The following CFAP99 variants were observed in gnomAD, a reference collection of about 807,000 sequenced individuals.
CFAP99 encodes cilia and flagella associated protein 99.
In CFAP99, 84 loss-of-function variants were observed where a neutral mutation model predicts 82.7. The ratio of observed to expected loss-of-function variants is 1.02; its 90% confidence interval spans 0.85 to 1.22. The LOEUF (loss-of-function observed/expected upper bound fraction) is 1.22. Among genes scored for constraint, CFAP99 ranks in the 50% most tolerant of loss-of-function variants. CFAP99 has a pLI of 0.00. For synonymous variants in CFAP99, 456 were observed against 429.5 expected, an observed-to-expected ratio of 1.06 and a Z score of -0.76; for missense variants, 1,059 against 983.5, an observed-to-expected ratio of 1.08 and a Z score of -1.03.
Position 2,435,751 on chromosome 4 carries a change from C to T in CFAP99, c.112-1123C>T, listed in dbSNP as rs537257897. Reference sequence around the variant, plus strand: ...CCAGCCTGAGGAACATGGTGAGATCCAGTCTTTACAAAAAATTAAAAAATG... The same window carrying T: ...CCAGCCTGAGGAACATGGTGAGATCTAGTCTTTACAAAAAATTAAAAAATG... On this transcript the variant is annotated intron_variant, in intron 2 of 14. Coordinates refer to ENST00000635017, the Ensembl canonical transcript of CFAP99. 9.2e-5 allele frequency among the ~76,000 whole-genome samples: 14 copies of T among 152,232 alleles called. No individual in the cohort carries two copies. In the South Asian group the frequency reaches 2.7e-3, roughly 29 times the overall value.
At chr4:2,445,247 C>A (rs1734134770) in exon 6 of CFAP99, 4 of 1,441,848 alleles carry the variant, frequency 2.8e-6, no homozygotes, top group Non-Finnish European at 3.6e-6. Flanking sequence ...AACCTGACTG[C>A]CCCCAGGCCC....
intron 2 of CFAP99, among the ~76,000 whole-genome samples, chr4:2,434,608 G>T (rs1733872287): frequency 6.6e-6 from 1 of 152,230 alleles, no homozygotes; most frequent in South Asian, 2.1e-4. Context: ...GCTGGTCAGA[G>T]CACTGCAGGG....
chr4:2,441,317 G>C (rs1217829733), intron 4 of CFAP99, among the ~76,000 whole-genome samples: 1 of 148,796 alleles, frequency 6.7e-6, no homozygotes, highest in Admixed American at 6.8e-5. Context: ...AGGTTGCAGT[G>C]AGCTGAGATG....
exon 3 of CFAP99, chr4:2,437,017 G>T (rs1309505453): frequency 6.5e-7 from 1 of 1,536,038 alleles, no homozygotes; most frequent in South Asian, 1.2e-5. Flanking sequence ...GCCGCTTCGA[G>T]GGTAGGTGCC....
intron 14 of CFAP99, among the ~76,000 whole-genome samples, chr4:2,461,792 G>A (rs1352720608): frequency 6.6e-6 from 1 of 152,074 alleles, no homozygotes; most frequent in African/African-American, 2.4e-5. Context: ...AGCCAGCAGG[G>A]AACAACACAT....
chr4:2,442,133 C>T (rs925250605), intron 4 of CFAP99, among the ~76,000 whole-genome samples: 11 of 152,138 alleles, frequency 7.2e-5, no homozygotes, highest in Admixed American at 1.3e-4. Flanking sequence ...CCAGCTGAGA[C>T]GCTGAGTGTG....
rs11375526 is a variant in CFAP99, at chr4:2,431,368, C to CAAA, written c.111+4792_111+4794dup. 7.2e-4 allele frequency among the ~76,000 whole-genome samples: 105 copies of CAAA among 145,424 alleles called. 1 individual carries two copies. Among genetic ancestry groups the CAAA allele is most frequent in the African/African-American group, 2.6e-3 (100 of 39,202 alleles). Reference sequence around the variant, plus strand: ...TGGGCGACAGAGCAAGACTCTGTCTCAAAAAAAAAAAAGTTGAAATTCTAA... The same window carrying CAAA: ...TGGGCGACAGAGCAAGACTCTGTCTCAAAAAAAAAAAAAAAGTTGAAATTCTAA... On this transcript the variant is annotated intron_variant, in intron 2 of 14. Coordinates refer to ENST00000635017, the Ensembl canonical transcript of CFAP99.
In CFAP99 at chr4:2,462,666, C is replaced by A; in HGVS notation, c.1885C>A (p.Arg629=). 1.6e-6 allele frequency: 2 copies of A among 1,265,732 alleles called. No individual in the cohort carries two copies. The highest frequency in any genetic ancestry group is 2.7e-5 in the South Asian group (1 of 37,054). 78.4% of individuals were successfully genotyped at this position (1,265,732 alleles called of 1,614,324 possible). A position where few individuals can be genotyped will look rare whatever the true frequency, so the allele number is the denominator to read the frequency against. Residue 629 remains arginine (R), a synonymous_variant, in exon 15 of 15, where the codon CGG becomes AGG. Coordinates refer to ENST00000635017, the Ensembl canonical transcript of CFAP99. The surrounding 1 kb of genome is among the most constrained non-coding windows in gnomAD (Gnocchi z 4.1). ...GAAAGCCGGGGCCGGGTGGGGATGG[C>A]GGGCGCGGCGCGCAGGGACCGGCGT...
Position 2,451,259 on chromosome 4 carries a change from C to T in CFAP99, c.868-5C>T, listed in dbSNP as rs921453486. 4.4e-5 allele frequency: 67 copies of T among 1,535,868 alleles called. No homozygotes were observed. The highest frequency in any genetic ancestry group is 5.1e-5 in the Non-Finnish European group (59 of 1,146,832). ...CCCCACCACAGCCAGTCCCCAATCC[C>T]GCAGCCTGACAACATCCTGGTCAAG... On this transcript the variant is annotated splice_polypyrimidine_tract_variant and splice_region_variant and intron_variant, in intron 9 of 14. Transcript: ENST00000635017.
intron 1 of CFAP99, among the ~76,000 whole-genome samples, chr4:2,419,652 TC>T (rs1461053055): frequency 6.6e-6 from 1 of 152,214 alleles, no homozygotes; most frequent in Non-Finnish European, 1.5e-5. Flanking sequence ...CTGCTTGTCC[TC>T]ACTGGCCAGT....
intron 1 of CFAP99, among the ~76,000 whole-genome samples, chr4:2,424,758 C>T (rs1733651037): frequency 1.3e-5 from 2 of 152,230 alleles, no homozygotes; most frequent in Non-Finnish European, 2.9e-5. Context: ...CCCTGCTTCC[C>T]AGGGCACCCC....
chr4:2,452,613 C>T (rs1294318988), intron 11 of CFAP99, among the ~76,000 whole-genome samples: 1 of 152,162 alleles, frequency 6.6e-6, no homozygotes, highest in African/African-American at 2.4e-5. Context: ...CCCAGGAGGC[C>T]GGCCTGTATA....
At chr4:2,456,945 G>C (rs1734450168) in intron 11 of CFAP99, among the ~76,000 whole-genome samples, 1 of 141,650 alleles carries the variant, frequency 7.1e-6, no homozygotes, top group African/African-American at 2.6e-5. Flanking sequence ...ATCATTCTTT[G>C]AATACTTTTT....
chr4:2,457,206 G>T (rs576368820), intron 11 of CFAP99, among the ~76,000 whole-genome samples: 34 of 152,012 alleles, frequency 2.2e-4, no homozygotes, highest in African/African-American at 8.2e-4. Context: ...GCTTCCCCAC[G>T]CGCTGGGATT....
chr4:2,436,774 G>T, intron 2 of CFAP99, 100 bp from the exon 3 acceptor site: 2 of 973,162 alleles, frequency 2.1e-6, no homozygotes, highest in South Asian at 3.0e-5. Context: ...TTGCAGCCCC[G>T]GGGCCGCTCC....
At chr4:2,444,661 C>T (rs1451671707) in intron 5 of CFAP99, among the ~76,000 whole-genome samples, 3 of 152,206 alleles carry the variant, frequency 2.0e-5, no homozygotes, top group South Asian at 2.1e-4. Context: ...GACAACTGGG[C>T]TCCTGCCCCA....
intron 11 of CFAP99, 125 bp from the exon 12 acceptor site, chr4:2,458,598 G>A: frequency 2.4e-6 from 3 of 1,259,948 alleles, no homozygotes; most frequent in African/African-American, 1.5e-5. Flanking sequence ...CCTGGGTTCT[G>A]GGGTGATTCA....
At chr4:2,451,512 G>T (rs1280493689) in intron 10 of CFAP99, among the ~76,000 whole-genome samples, 160 bp downstream of exon 10, 1 of 152,176 alleles carries the variant, frequency 6.6e-6, no homozygotes, top group Non-Finnish European at 1.5e-5. Context: ...GCAGGACTGT[G>T]TCAGGGTCCC....
chr4:2,462,994 G>A, downstream of CFAP99: 2 of 908,430 alleles, frequency 2.2e-6, no homozygotes, highest in Non-Finnish European at 2.9e-6. This position sits in a 1 kb window ranked among gnomAD's most constrained non-coding sequence, Gnocchi z 4.1. Flanking sequence ...TAAAGAGTGC[G>A]GCCCGCGGTG....
Sources: gnomAD v4.1 joint callset for allele counts (sites outside exome capture counted in the v4.1 genomes callset) on GRCh38, gnomAD v4.1.1 for gene constraint, Gnocchi (gnomAD v3.1) non-coding constraint, MANE v1.5 for transcripts, NCBI Gene and HGNC (gene_info 2026-07-23, HGNC 2026-07-21) for gene names.